The following TRAPPC12 variants were observed in gnomAD, a reference collection of about 807,000 sequenced individuals.
The protein encoded by TRAPPC12 is trafficking protein particle complex subunit 12.
Under a neutral mutation model 69.2 loss-of-function variants are expected in TRAPPC12, and 61 were observed. The observed-to-expected ratio is 0.88, with a 90% CI of 0.72 to 1.09. The LOEUF is 1.09. Among genes scored for constraint, TRAPPC12 ranks in the 50% least tolerant of loss-of-function variants. TRAPPC12 has a pLI of 0.00. For synonymous variants in TRAPPC12, 469 were observed against 438.9 expected (o/e 1.07, Z -0.86); for missense variants, 1,101 against 1,016.4 (o/e 1.08, Z -1.13).
intron 2 of TRAPPC12, among the ~76,000 whole-genome samples, chr2:3,399,813 C>G (rs911526674): frequency 2.0e-5 from 3 of 149,266 alleles, no homozygotes; most frequent in South Asian, 2.2e-4. Flanking sequence ...CCCGCTCCCC[C>G]CGCCACCGCC....
In TRAPPC12 at chr2:3,388,227, C is replaced by G. The variant is rs1211644724; in HGVS notation, c.604C>G (p.Pro202Ala). Residue 202 changes from proline to alanine, a missense_variant, in exon 2 of 12, where the codon CCC becomes GCC. Physicochemically the swap from Pro to Ala is conservative, Grantham distance 27 (BLOSUM62 -1). Coordinates refer to ENST00000324266, the MANE Select transcript of TRAPPC12 (RefSeq NM_016030.6). ...CAGGACACCGCCCCAGGTCGTGCAG[C>G]CCAGCCCCAGCCTCAGCACGTTCTT... ...SARTPPQVVQPSPSLSTFFGD... is the reference protein window; with the variant it reads ...SARTPPQVVQASPSLSTFFGD... 2 of 1,608,604 alleles carry G rather than the reference C, an allele frequency of 1.2e-6. No homozygotes were observed. The highest frequency in any genetic ancestry group is 8.5e-7 in the Non-Finnish European group (1 of 1,177,714).
intron 5 of TRAPPC12, 130 bp from the exon 6 acceptor site, chr2:3,443,649 C>A: frequency 1.4e-6 from 1 of 729,684 alleles, no homozygotes; most frequent in Non-Finnish European, 2.5e-6. Flanking sequence ...CCGTTAAATA[C>A]TTCACAAGAA....
chr2:3,451,495 A>G (rs577858523), intron 6 of TRAPPC12, among the ~76,000 whole-genome samples: 3 of 152,178 alleles, frequency 2.0e-5, no homozygotes, highest in Non-Finnish European at 4.4e-5. Context: ...TACCCAATGA[A>G]GAACCCAGTT....
intron 10 of TRAPPC12, 132 bp from the exon 11 acceptor site, chr2:3,478,714 G>C: frequency 1.5e-6 from 1 of 684,092 alleles, no homozygotes; most frequent in Non-Finnish European, 2.5e-6. Context: ...CCTCTACCTG[G>C]AGATCAGGAA....
chr2:3,392,350 A>T (rs1238407857), intron 2 of TRAPPC12, among the ~76,000 whole-genome samples: 1 of 152,142 alleles, frequency 6.6e-6, no homozygotes, highest in Non-Finnish European at 1.5e-5. Context: ...ACCAGGACAG[A>T]CGGCCTAGAC....
At chr2:3,454,117 T>G (rs1665000270) in intron 6 of TRAPPC12, among the ~76,000 whole-genome samples, 1 of 152,258 alleles carries the variant, frequency 6.6e-6, no homozygotes, top group East Asian at 1.9e-4. Flanking sequence ...CTTCTCGGGC[T>G]GAAGCACCTC....
Position 3,394,636 on chromosome 2 carries a change from AG to A in TRAPPC12, c.1047+5974del, listed in dbSNP as rs112469605. ...ACTTTGTCTGAGGTTAAAAAAAAAA[AG>A]GGGGGGGAGATCAGAGATTGGTGGA... On this transcript the variant is annotated intron_variant, in intron 2 of 11. Transcript: ENST00000324266. 7.7e-3 allele frequency among the ~76,000 whole-genome samples: 1,154 copies of A among 149,634 alleles called. 21 individuals carry two copies. The highest frequency in any genetic ancestry group is 0.026 in the African/African-American group (1,073 of 40,768).
chr2:3,452,846 G>T (rs1664924598), intron 6 of TRAPPC12, among the ~76,000 whole-genome samples: 1 of 152,250 alleles, frequency 6.6e-6, no homozygotes. Flanking sequence ...CAGTGGAATT[G>T]TTTAATTTCT....
chr2:3,382,560 G>C (rs1660265478), intron 1 of TRAPPC12, among the ~76,000 whole-genome samples: 2 of 152,190 alleles, frequency 1.3e-5, no homozygotes, highest in Admixed American at 1.3e-4. Context: ...GGAATTGCTA[G>C]GTCCTAGGTA....
chr2:3,433,799 G>T (rs890741584), intron 5 of TRAPPC12, among the ~76,000 whole-genome samples: 3 of 152,298 alleles, frequency 2.0e-5, no homozygotes, highest in East Asian at 3.9e-4. Context: ...CTAGATTTTG[G>T]CAGGTCACAA....
At position 3,387,685 on chromosome 2, in the gene TRAPPC12, T is replaced by A; in HGVS notation, c.62T>A (p.Leu21His). 1.9e-6 allele frequency: 3 copies of A among 1,562,810 alleles called. No individual in the cohort carries two copies. Among genetic ancestry groups the A allele is most frequent in the Non-Finnish European group, 2.6e-6 (3 of 1,153,998 alleles). The change falls in exon 2 of 12, where the codon CTC becomes CAC. Residue 21 changes from leucine (L) to histidine (H), a missense_variant. Coordinates refer to ENST00000324266, the MANE Select transcript of TRAPPC12 (RefSeq NM_016030.6). Reference sequence around the variant, plus strand: ...CCGGAGGCCCCGCACCCCCCTCAGCTCGCGCCTCCGGAGGAGCAGGGGTTG... The same window carrying A: ...CCGGAGGCCCCGCACCCCCCTCAGCACGCGCCTCCGGAGGAGCAGGGGTTG... Reference protein sequence around the residue: ...PAPEAPHPPQLAPPEEQGLLF... With the variant: ...PAPEAPHPPQHAPPEEQGLLF...
Position 3,422,369 on chromosome 2 carries a change from C to T in TRAPPC12, c.1278+375C>T, listed in dbSNP as rs547678485. On this transcript the variant is annotated intron_variant, in intron 4 of 11. Coordinates refer to ENST00000324266, the MANE Select transcript of TRAPPC12 (RefSeq NM_016030.6). ...CAGTTGGTTCTGTCCACCCCAAGGA[C>T]GGAGGGTCCATGTGCCATTTGCTCC... is the stretch of plus-strand genomic sequence containing the variant. Among the ~76,000 whole-genome samples the T allele has an allele frequency of 6.8e-4, 103 of 152,134 alleles. 1 individual carries two copies. The highest frequency in any genetic ancestry group is 2.4e-3 in the African/African-American group (101 of 41,504).
chr2:3,441,135 T>A (rs1370404743), intron 5 of TRAPPC12, among the ~76,000 whole-genome samples: 1 of 152,212 alleles, frequency 6.6e-6, no homozygotes, highest in Non-Finnish European at 1.5e-5. Flanking sequence ...ATGAGACATA[T>A]TGGTCTACAG....
rs1365572579 is a variant in TRAPPC12 at position 3,414,709 on chromosome 2, C to T, written c.1165-7172C>T. On this transcript the variant is annotated intron_variant, in intron 3 of 11. Coordinates refer to ENST00000324266, the MANE Select transcript of TRAPPC12 (RefSeq NM_016030.6). The surrounding 1 kb of genome is among the most constrained non-coding windows in gnomAD (Gnocchi z 4.9). Reference sequence around the variant, plus strand: ...CCGTGCCGCTTGTGCCTCTGCCCCGCGAGGGACACCATTCCCCGTCGTTGA... The same window carrying T: ...CCGTGCCGCTTGTGCCTCTGCCCCGTGAGGGACACCATTCCCCGTCGTTGA... Among the ~76,000 whole-genome samples the T allele has an allele frequency of 6.6e-6, 1 of 152,120 alleles. No individual in the cohort carries two copies. Among genetic ancestry groups the T allele is most frequent in the Non-Finnish European group, 1.5e-5 (1 of 68,032 alleles).
At chr2:3,450,841 G>A (rs759887553) in intron 6 of TRAPPC12, among the ~76,000 whole-genome samples, 16 of 151,832 alleles carry the variant, frequency 1.1e-4, no homozygotes, top group Non-Finnish European at 1.9e-4. Context: ...AGATGCCTTG[G>A]GAATAAAACC....
intron 1 of TRAPPC12, among the ~76,000 whole-genome samples, chr2:3,381,181 T>C (rs1660190310): frequency 6.6e-6 from 1 of 152,196 alleles, no homozygotes. Context: ...TATTAAATAA[T>C]AAGGTAAAAT....
At chr2:3,468,881 G>A (rs556560725) in intron 9 of TRAPPC12, among the ~76,000 whole-genome samples, 29 of 152,342 alleles carry the variant, frequency 1.9e-4, no homozygotes, top group African/African-American at 5.5e-4. Context: ...GACGCCACAC[G>A]GAGTCAGATT....
At chr2:3,391,040 A>T (rs980133829) in intron 2 of TRAPPC12, among the ~76,000 whole-genome samples, 2 of 152,248 alleles carry the variant, frequency 1.3e-5, no homozygotes, top group Non-Finnish European at 2.9e-5. Flanking sequence ...AGAAGATAGC[A>T]TGTAGCATGC....
At position 3,457,679 on chromosome 2, in the gene TRAPPC12, A is replaced by G. The variant is rs200623526; in HGVS notation, c.1589A>G (p.Gln530Arg). 5 of 1,611,298 alleles carry G rather than the reference A, an allele frequency of 3.1e-6. No individual in the cohort carries two copies. In the Admixed American group the frequency reaches 5.0e-5, roughly 16 times the overall value. ...GACGGCGGCATGAGCAGCGTGACTCAGGAGGGCAGACAAGGTGGGTCGGCC... is the reference window on the plus strand; with the variant it reads ...GACGGCGGCATGAGCAGCGTGACTCGGGAGGGCAGACAAGGTGGGTCGGCC... ...AEDGGMSSVT[Q>R]EGRQASIRLW... Residue 530 changes from glutamine (Q) to arginine (R), a missense_variant, in exon 7 of 12, where the codon CAG becomes CGG. By Grantham distance (43) the Gln-to-Arg change is conservative. Transcript: ENST00000324266.
Sources: gnomAD v4.1 joint callset for allele counts (sites outside exome capture counted in the v4.1 genomes callset) on GRCh38, gnomAD v4.1.1 for gene constraint, Gnocchi (gnomAD v3.1) non-coding constraint, MANE v1.5 for transcripts, NCBI Gene and HGNC (gene_info 2026-07-23, HGNC 2026-07-21) for gene names.